The following ENAH variants were observed in gnomAD, a reference collection of about 807,000 sequenced individuals.
ENAH encodes the protein ENAH actin regulator.
Under a neutral mutation model 78.7 loss-of-function variants are expected in ENAH, and 23 were observed. The observed-to-expected ratio is 0.29, with a 90% CI of 0.21 to 0.41. The LOEUF (loss-of-function observed/expected upper bound fraction) is 0.41. ENAH is among the 10% of genes least tolerant of loss of function. The probability of loss-of-function intolerance (pLI) is 1.00; values close to 1 mark genes in which losing one functional copy is unlikely to be tolerated. For missense variants in ENAH, 544 were observed against 691.0 expected (o/e 0.79, Z 2.39); for synonymous variants, 226 against 241.0 (o/e 0.94, Z 0.58).
chr1:225,537,718 T>C (rs1286182618), intron 3 of ENAH, among the ~76,000 whole-genome samples: 5 of 98,802 alleles, frequency 5.1e-5, no homozygotes, highest in Non-Finnish European at 9.1e-5. Flanking sequence ...GTTAGGCCTA[T>C]TGACTTTTTT....
At chr1:225,653,632 T>G (rs949890322), upstream of ENAH, among the ~76,000 whole-genome samples, 1 of 151,746 alleles carries the variant, frequency 6.6e-6, no homozygotes, top group Admixed American at 6.5e-5. This position sits in a 1 kb window ranked among gnomAD's most constrained non-coding sequence, Gnocchi z 4.3. Context: ...GACGCGTGAC[T>G]GGGCACAGGG....
intron 1 of ENAH, among the ~76,000 whole-genome samples, chr1:225,615,123 G>C (rs1216545338): frequency 1.3e-5 from 2 of 152,070 alleles, no homozygotes; most frequent in African/African-American, 4.8e-5. Flanking sequence ...CCGCCATCTC[G>C]GCTCACTGCA....
chr1:225,535,246 T>C (rs1478093795), intron 3 of ENAH, among the ~76,000 whole-genome samples: 1 of 152,084 alleles, frequency 6.6e-6, no homozygotes, highest in Non-Finnish European at 1.5e-5. Context: ...AAAACCCCTC[T>C]CATTTGTGTT....
chr1:225,646,908 G>T (rs1029836327), intron 1 of ENAH, among the ~76,000 whole-genome samples: 11 of 152,242 alleles, frequency 7.2e-5, no homozygotes, highest in South Asian at 6.2e-4. Flanking sequence ...CCCAGTGATT[G>T]GTATTTGAAG....
chr1:225,542,843 G>C (rs2096596192), intron 3 of ENAH, among the ~76,000 whole-genome samples: 1 of 151,882 alleles, frequency 6.6e-6, no homozygotes, highest in Non-Finnish European at 1.5e-5. Context: ...TAGTAGCAAG[G>C]CCTCATCTCT....
chr1:225,567,110 G>A, intron 2 of ENAH, 139 bp downstream of exon 2: 2 of 886,742 alleles, frequency 2.3e-6, no homozygotes, highest in Non-Finnish European at 3.3e-6. Context: ...AGAAAGGGTG[G>A]AGAGACAATT....
chr1:225,593,577 A>T (rs2096888715), intron 1 of ENAH, among the ~76,000 whole-genome samples: 1 of 152,134 alleles, frequency 6.6e-6, no homozygotes, highest in Non-Finnish European at 1.5e-5. Context: ...CAACAGAACA[A>T]ATATGATGAA....
At position 225,578,651 on chromosome 1, in the gene ENAH, A is replaced by G. The variant is rs182340062; in HGVS notation, c.6-11237T>C. Among the ~76,000 whole-genome samples, 194 of 152,356 alleles carry G rather than the reference A, an allele frequency of 1.3e-3. 1 individual carries two copies. The highest frequency in any genetic ancestry group is 5.6e-4 in the Non-Finnish European group (38 of 68,036). ...CTCTTTCTTGTAATATGAAAGACTAATTAACAAAGATAAAGCAAACGTTAC... is the reference window on the plus strand; with the variant it reads ...CTCTTTCTTGTAATATGAAAGACTAGTTAACAAAGATAAAGCAAACGTTAC... On this transcript the variant is annotated intron_variant, in intron 1 of 13. Transcript: ENST00000366843.
intron 2 of ENAH, among the ~76,000 whole-genome samples, chr1:225,556,553 A>G (rs979074514): frequency 6.6e-6 from 1 of 151,696 alleles, no homozygotes; most frequent in Non-Finnish European, 1.5e-5. Context: ...TTCTTCTTTG[A>G]TTTCTAAGCC....
intron 1 of ENAH, among the ~76,000 whole-genome samples, chr1:225,625,311 CA>C (rs1657748629): frequency 2.0e-5 from 3 of 152,242 alleles, no homozygotes; most frequent in Admixed American, 1.3e-4. Flanking sequence ...CAATATTTAG[CA>C]GACAAAAATA....
At chr1:225,639,829 AAGAT>A (rs1660717893) in intron 1 of ENAH, among the ~76,000 whole-genome samples, 1 of 152,060 alleles carries the variant, frequency 6.6e-6, no homozygotes, top group Non-Finnish European at 1.5e-5. Flanking sequence ...TACCAATATA[AAGAT>A]GACTGAACAC....
At position 225,497,029 on chromosome 1, in the gene ENAH, T is replaced by C. The variant is rs904756599; in HGVS notation, c.*746A>G. The C allele has an allele frequency of 1.3e-5, 2 of 152,704 alleles. No homozygotes were observed. Among genetic ancestry groups the C allele is most frequent in the Admixed American group, 6.5e-5 (1 of 15,292 alleles). The allele number at this position is 152,704 out of a possible 1,614,324, so 9.5% of individuals were successfully genotyped here. ...TACATTTGACCACTGGTTTGTGTTA[T>C]GTAGAAGTCATAGATTTGGTAAAGC... On this transcript the variant is annotated 3_prime_UTR_variant, in exon 14 of 14. Transcript: ENST00000366843.
At position 225,494,415 on chromosome 1, in the gene ENAH, C is replaced by A. The variant is rs751407926; in HGVS notation, c.*3360G>T. On this transcript the variant is annotated 3_prime_UTR_variant, in exon 14 of 14. Coordinates refer to ENST00000366843, the MANE Select transcript of ENAH (RefSeq NM_018212.6). Reference sequence around the variant, plus strand: ...AATAATGCCCTTTACCACACAATGTCCTTTACCATGCAAACTACATAAAGG... The same window carrying A: ...AATAATGCCCTTTACCACACAATGTACTTTACCATGCAAACTACATAAAGG... 3 of 152,128 alleles carry A rather than the reference C, an allele frequency of 2.0e-5. No homozygotes were observed. The highest frequency in any genetic ancestry group is 4.1e-4 in the South Asian group (2 of 4,820). The allele number at this position is 152,128 out of a possible 1,614,324, so 9.4% of individuals were successfully genotyped here. A position where few individuals can be genotyped will look rare whatever the true frequency, so the allele number is the denominator to read the frequency against.
intron 1 of ENAH, among the ~76,000 whole-genome samples, chr1:225,597,408 T>G (rs1398958548): frequency 1.3e-5 from 2 of 151,996 alleles, no homozygotes; most frequent in African/African-American, 4.8e-5. Context: ...ACCTATAATC[T>G]CAACACCTTG....
intron 1 of ENAH, among the ~76,000 whole-genome samples, chr1:225,599,042 T>G (rs1257148127): frequency 6.6e-6 from 1 of 152,142 alleles, no homozygotes; most frequent in Non-Finnish European, 1.5e-5. Flanking sequence ...TGCCATCAGG[T>G]GCCTCCAGAT....
At chr1:225,645,242 T>C (rs1317145255) in intron 1 of ENAH, among the ~76,000 whole-genome samples, 1 of 152,252 alleles carries the variant, frequency 6.6e-6, no homozygotes, top group Non-Finnish European at 1.5e-5. Context: ...CTTCTGGTGT[T>C]ATTATATAGA....
At chr1:225,622,655 G>T in intron 1 of ENAH, among the ~76,000 whole-genome samples, 1 of 152,116 alleles carries the variant, frequency 6.6e-6, no homozygotes, top group Non-Finnish European at 1.5e-5. Context: ...TCCTCATATG[G>T]CAGAAGGGCA....
chr1:225,652,566 G>A, intron 1 of ENAH, 120 bp downstream of exon 1: 2 of 1,100,866 alleles, frequency 1.8e-6, no homozygotes, highest in Non-Finnish European at 2.3e-6. Flanking sequence ...GGGAGGAACA[G>A]ACCGGAGACC....
intron 2 of ENAH, among the ~76,000 whole-genome samples, chr1:225,559,644 G>A (rs949022947): frequency 6.6e-6 from 1 of 151,996 alleles, no homozygotes; most frequent in Non-Finnish European, 1.5e-5. Flanking sequence ...TACTCTCCCT[G>A]CACCCCAACA....
Sources: gnomAD v4.1 joint callset for allele counts (sites outside exome capture counted in the v4.1 genomes callset) on GRCh38, gnomAD v4.1.1 for gene constraint, Gnocchi (gnomAD v3.1) non-coding constraint, MANE v1.5 for transcripts, NCBI Gene and HGNC (gene_info 2026-07-23, HGNC 2026-07-21) for gene names.